The following ERBB4 variants were observed in gnomAD, a reference collection of about 807,000 sequenced individuals.
ERBB4 encodes the protein receptor tyrosine-protein kinase erbB-4.
In ERBB4, 42 loss-of-function variants were observed where a neutral mutation model predicts 158.0. That is an observed-to-expected ratio of 0.27 (90% CI 0.21 to 0.34). The LOEUF is 0.34. ERBB4 is among the 10% of genes least tolerant of loss of function. ERBB4 has a pLI of 1.00. For missense variants in ERBB4, 1,333 were observed against 1,624.1 expected (o/e 0.82, Z 3.08); for synonymous variants, 583 against 558.7 (o/e 1.04, Z -0.61).
At position 211,516,232 on chromosome 2, in the gene ERBB4, C is replaced by G. The variant is rs557310110; in HGVS notation, c.2487+45671G>C. On this transcript the variant is annotated intron_variant, in intron 20 of 27. Transcript: ENST00000342788. ...CGCCCGGCCAACATTTTAATATTTT[C>G]ACCACCACACAGCCATATCTGTAGG... 3.3e-5 allele frequency among the ~76,000 whole-genome samples: 5 copies of G among 151,862 alleles called. No homozygotes were observed. In the East Asian group the frequency reaches 9.8e-4, roughly 30 times the overall value.
At position 211,513,772 on chromosome 2, in the gene ERBB4, G is replaced by A. The variant is rs140975557; in HGVS notation, c.2487+48131C>T. 6.9e-3 allele frequency among the ~76,000 whole-genome samples: 1,049 copies of A among 152,114 alleles called. 14 individuals carry two copies. The highest frequency in any genetic ancestry group is 0.023 in the African/African-American group (972 of 41,510). ...AACAGGAAGAAGAAATACAATACAG[G>A]CTCAGGGCTCCAGACTACTAAAACA... On this transcript the variant is annotated intron_variant, in intron 20 of 27. Coordinates refer to ENST00000342788, the MANE Select transcript of ERBB4 (RefSeq NM_005235.3).
intron 3 of ERBB4, among the ~76,000 whole-genome samples, chr2:211,811,393 T>C (rs1220383550): frequency 6.6e-6 from 1 of 152,218 alleles, no homozygotes; most frequent in African/African-American, 2.4e-5. Context: ...GCTGCTAGGC[T>C]GATGGGCTTC....
chr2:211,465,540 CA>C (rs2064659066), intron 20 of ERBB4, among the ~76,000 whole-genome samples: 1 of 152,006 alleles, frequency 6.6e-6, no homozygotes, highest in Non-Finnish European at 1.5e-5. Flanking sequence ...AAAGTAAAAT[CA>C]GATGTTCACC....
At chr2:212,039,668 T>A (rs1410079885) in intron 2 of ERBB4, among the ~76,000 whole-genome samples, 3 of 152,136 alleles carry the variant, frequency 2.0e-5, no homozygotes, top group Admixed American at 6.6e-5. Context: ...CCATTTTATA[T>A]GTATTTTTAA....
chr2:212,334,614 T>C (rs928760721), intron 1 of ERBB4, among the ~76,000 whole-genome samples: 2 of 152,040 alleles, frequency 1.3e-5, no homozygotes, highest in African/African-American at 4.8e-5. Context: ...TTTGTTTCCT[T>C]GACTGGATCA....
intron 16 of ERBB4, among the ~76,000 whole-genome samples, chr2:211,631,614 CT>C (rs1283538451): frequency 6.6e-6 from 1 of 151,988 alleles, no homozygotes; most frequent in African/African-American, 2.4e-5. Flanking sequence ...TAATTTTTTC[CT>C]TGCTTAAACA....
intron 1 of ERBB4, among the ~76,000 whole-genome samples, chr2:212,317,811 T>C (rs965026828): frequency 6.8e-6 from 1 of 147,900 alleles, no homozygotes; most frequent in African/African-American, 2.5e-5. Context: ...CTGTTTAGTT[T>C]CTTCCTGTGC....
Position 211,738,371 on chromosome 2 carries a change from T to TG in ERBB4, c.622+12267_622+12268insC, listed in dbSNP as rs771090569. On this transcript the variant is annotated intron_variant, in intron 5 of 27. Coordinates refer to ENST00000342788, the MANE Select transcript of ERBB4 (RefSeq NM_005235.3). ...TTTTCCTTTGTTTTTGTTTTTTTTTTTTTTTTTTTTTTTTTGAGACAGAGT... is the reference window on the plus strand; with the variant it reads ...TTTTCCTTTGTTTTTGTTTTTTTTTTGTTTTTTTTTTTTTTTGAGACAGAGT... Among the ~76,000 whole-genome samples the TG allele has an allele frequency of 4.2e-3, 299 of 71,052 alleles. 1 individual carries two copies. Among genetic ancestry groups the TG allele is most frequent in the Non-Finnish European group, 5.0e-3 (195 of 38,646 alleles). The allele number at this position is 71,052 out of a possible 152,430, so 46.6% of individuals were successfully genotyped here. A position where few individuals can be genotyped will look rare whatever the true frequency, so the allele number is the denominator to read the frequency against.
chr2:212,138,124 A>G (rs923791583), intron 1 of ERBB4, among the ~76,000 whole-genome samples: 19 of 152,190 alleles, frequency 1.2e-4, no homozygotes, highest in African/African-American at 4.1e-4. Flanking sequence ...ATAAATATGA[A>G]TAATTTTATC....
intron 1 of ERBB4, among the ~76,000 whole-genome samples, chr2:212,386,448 G>A (rs190940029): frequency 6.6e-5 from 10 of 151,774 alleles, no homozygotes; most frequent in Non-Finnish European, 1.2e-4. Context: ...AATCAAAGCT[G>A]CCAAATAGAT....
chr2:211,691,594 GTGTGTGTGTATA>G (rs1320689769), intron 12 of ERBB4, among the ~76,000 whole-genome samples: 6 of 143,744 alleles, frequency 4.2e-5, no homozygotes, highest in Admixed American at 2.7e-4. Flanking sequence ...GTGTGTGTGT[GTGTGTGTGTATA>G]TATATAACAG....
intron 2 of ERBB4, among the ~76,000 whole-genome samples, chr2:212,052,259 T>C (rs1037704992): frequency 6.6e-6 from 1 of 152,190 alleles, no homozygotes; most frequent in East Asian, 1.9e-4. Flanking sequence ...TTCTGGACCC[T>C]TGGACATATA....
At chr2:211,437,305 G>C (rs1416892312) in intron 20 of ERBB4, among the ~76,000 whole-genome samples, 2 of 152,166 alleles carry the variant, frequency 1.3e-5, no homozygotes, top group Non-Finnish European at 2.9e-5. Context: ...CAAATTGTAT[G>C]CTTGATTTTC....
intron 1 of ERBB4, among the ~76,000 whole-genome samples, chr2:212,260,812 C>G (rs1255979911): frequency 6.8e-6 from 1 of 147,312 alleles, no homozygotes. Flanking sequence ...GACTCTGTCT[C>G]AAAAAAATAA....
intron 1 of ERBB4, among the ~76,000 whole-genome samples, chr2:212,367,517 CA>C (rs2089934947): frequency 6.6e-6 from 1 of 152,090 alleles, no homozygotes; most frequent in Admixed American, 6.6e-5. Flanking sequence ...CCCTTCTAGA[CA>C]TTGGCTTAGT....
At chr2:212,182,761 G>T (rs1487934492) in intron 1 of ERBB4, among the ~76,000 whole-genome samples, 1 of 151,532 alleles carries the variant, frequency 6.6e-6, no homozygotes, top group African/African-American at 2.4e-5. Context: ...GACTTGCTTT[G>T]TTTGTTTTGT....
chr2:211,597,289 A>T (rs1196891880), intron 19 of ERBB4, among the ~76,000 whole-genome samples: 1 of 152,182 alleles, frequency 6.6e-6, no homozygotes, highest in Non-Finnish European at 1.5e-5. Flanking sequence ...AGCCTCAAAG[A>T]TATATTTCAA....
intron 1 of ERBB4, among the ~76,000 whole-genome samples, chr2:212,459,766 G>C (rs914430897): frequency 1.3e-4 from 20 of 152,108 alleles, no homozygotes; most frequent in Non-Finnish European, 1.6e-4. Flanking sequence ...CAACAGAATA[G>C]AGAACACAGA....
intron 1 of ERBB4, among the ~76,000 whole-genome samples, chr2:212,295,013 G>A (rs2086358604): frequency 1.3e-5 from 2 of 152,034 alleles, no homozygotes; most frequent in African/African-American, 4.8e-5. Flanking sequence ...TTGTGATGAG[G>A]CAGCATAGGG....
Sources: allele counts gnomAD v4.1 joint callset (sites outside exome capture counted in the v4.1 genomes callset), GRCh38; gene constraint gnomAD v4.1.1; transcripts MANE v1.5; gene names NCBI Gene and HGNC (gene_info 2026-07-23, HGNC 2026-07-21).